DNHD1: variants seen among roughly 807,000 people sequenced by gnomAD.
The protein encoded by DNHD1 is dynein heavy chain domain-containing protein 1.
Under a neutral mutation model 458.1 loss-of-function variants are expected in DNHD1, and 383 were observed. The observed-to-expected ratio is 0.84, with a 90% CI of 0.77 to 0.91. The LOEUF is 0.91. Among genes scored for constraint, DNHD1 ranks in the 40% least tolerant of loss-of-function variants. The pLI is 0.00. For missense variants in DNHD1, 5,336 were observed against 5,866.1 expected (o/e 0.91, Z 2.95); for synonymous variants, 2,203 against 2,376.9 (o/e 0.93, Z 2.13).
At chr11:6,501,852 A>G (rs1244497384) in intron 3 of DNHD1, among the ~76,000 whole-genome samples, 2 of 152,210 alleles carry the variant, frequency 1.3e-5, no homozygotes, top group East Asian at 3.8e-4. Context: ...CAATTATACC[A>G]TTTAAGATGT....
chr11:6,508,053 C>G (rs922888380), intron 4 of DNHD1, among the ~76,000 whole-genome samples: 8 of 151,912 alleles, frequency 5.3e-5, no homozygotes, highest in African/African-American at 1.9e-4. Context: ...TTTTAAATTG[C>G]TAAAAATATA....
intron 10 of DNHD1, among the ~76,000 whole-genome samples, chr11:6,522,590 C>T (rs1161298021): frequency 6.6e-6 from 1 of 152,062 alleles, no homozygotes; most frequent in Admixed American, 6.6e-5. Context: ...TATAACAAAC[C>T]TGCACATGTA....
In DNHD1 at chr11:6,498,841, C is replaced by G; in HGVS notation, c.626C>G (p.Ala209Gly). 3.7e-6 allele frequency: 6 copies of G among 1,614,250 alleles called. No individual in the cohort carries two copies. The highest frequency in any genetic ancestry group is 5.1e-6 in the Non-Finnish European group (6 of 1,180,056). ...GGTGCTCAGGTGGCCCTAGAAGAGGCTGTGTGGCTGGATGGACTTAGTCTC... is the reference window on the plus strand; with the variant it reads ...GGTGCTCAGGTGGCCCTAGAAGAGGGTGTGTGGCTGGATGGACTTAGTCTC... ...IVGAQVALEEAVWLDGLSLLP... is the reference protein window; with the variant it reads ...IVGAQVALEEGVWLDGLSLLP... Residue 209 changes from alanine to glycine, a missense_variant, in exon 3 of 43, where the codon GCT (alanine) becomes GGT (glycine). By Grantham distance (60) the Ala-to-Gly change is moderately conservative. Coordinates refer to ENST00000254579, the MANE Select transcript of DNHD1 (RefSeq NM_144666.3).
At chr11:6,527,645 A>C (rs543117563) in intron 10 of DNHD1, among the ~76,000 whole-genome samples, 2 of 152,354 alleles carry the variant, frequency 1.3e-5, no homozygotes, top group Non-Finnish European at 2.9e-5. Context: ...TCTGGGCTAC[A>C]GATAAATCTG....
Position 6,533,829 on chromosome 11 carries a change from C to T in DNHD1, c.2654C>T (p.Ser885Leu). 3.2e-6 allele frequency: 5 copies of T among 1,551,246 alleles called. No individual in the cohort carries two copies. The highest frequency in any genetic ancestry group is 4.4e-6 in the Non-Finnish European group (5 of 1,146,876). Residue 885 changes from serine to leucine, a missense_variant, in exon 14 of 43, where the codon TCA (serine) becomes TTA (leucine). By Grantham distance (145) the Ser-to-Leu change is moderately radical (BLOSUM62 -2). This residue lies in a region of DNHD1 where 3,932 missense variants were observed against 4,365.6 expected (regional missense o/e 0.90). Coordinates refer to ENST00000254579, the MANE Select transcript of DNHD1 (RefSeq NM_144666.3). ...TCGGTGAGAAGGCAATTCGGGGAGT[C>T]ACCCATCCCTCCCTGCCCTCCTCCC... ...DISVRRQFGE[S>L]PIPPCPPPPQ... is the part of the protein sequence containing the mutation.
intron 18 of DNHD1, among the ~76,000 whole-genome samples, chr11:6,543,830 A>G (rs558697743): frequency 6.6e-6 from 1 of 152,074 alleles, no homozygotes; most frequent in Admixed American, 6.5e-5. Context: ...ACATGGTGGC[A>G]CACACCTGTA....
chr11:6,544,775 C>G lies in DNHD1; in HGVS notation c.3853-17C>G. The G allele has an allele frequency of 3.9e-6, 6 of 1,547,752 alleles. No homozygotes were observed. Among genetic ancestry groups the G allele is most frequent in the Non-Finnish European group, 5.2e-6 (6 of 1,143,752 alleles). On this transcript the variant is annotated splice_polypyrimidine_tract_variant and intron_variant, in intron 20 of 42. Transcript: ENST00000254579. ...ACTTCATATTGGCCCTCACTTTTAT[C>G]CTCTCCCTCACCACAGAACTCTCGT...
intron 21 of DNHD1, 87 bp downstream of exon 21, chr11:6,547,753 T>G: frequency 6.7e-7 from 1 of 1,485,896 alleles, no homozygotes; most frequent in African/African-American, 1.4e-5. Context: ...GTGTGTTCTT[T>G]GGTGGATCTG....
At chr11:6,499,042 G>A (rs1852088589) in intron 3 of DNHD1, 81 bp downstream of exon 3, 1 of 1,452,714 alleles carries the variant, frequency 6.9e-7, no homozygotes, top group Non-Finnish European at 9.2e-7. Flanking sequence ...TCACTTGGAA[G>A]TTTAGATCCA....
At position 6,570,944 on chromosome 11, in the gene DNHD1, C is replaced by A. The variant is rs770663156; in HGVS notation, c.13432C>A (p.Arg4478=). The A allele has an allele frequency of 6.2e-7, 1 of 1,608,382 alleles. No individual in the cohort carries two copies. The highest frequency in any genetic ancestry group is 1.1e-5 in the South Asian group (1 of 90,970). Residue 4478 remains arginine, a synonymous_variant, in exon 42 of 43, where the codon CGG becomes AGG. Transcript: ENST00000254579. ...GTGGTCAGTGCTGGGGCCAAATGCACGGCGGCCTCTGGAGGGCGTCTTAGA... is the reference window on the plus strand; with the variant it reads ...GTGGTCAGTGCTGGGGCCAAATGCAAGGCGGCCTCTGGAGGGCGTCTTAGA... ...APWSVLGPNA[R]RPLEGVLETE...
intron 7 of DNHD1, among the ~76,000 whole-genome samples, chr11:6,518,577 G>T (rs1461370893): frequency 6.6e-6 from 1 of 152,118 alleles, no homozygotes; most frequent in African/African-American, 2.4e-5. Flanking sequence ...ACTGTGTCAA[G>T]CAATAGAAAA....
Position 6,498,375 on chromosome 11 carries a change from C to T in DNHD1, c.160C>T (p.Gln54Ter), listed in dbSNP as rs1467483345. 4 of 1,614,240 alleles carry T rather than the reference C, an allele frequency of 2.5e-6. No individual in the cohort carries two copies. Among genetic ancestry groups the T allele is most frequent in the African/African-American group, 2.7e-5 (2 of 75,062 alleles). ...QFVKPVTESE[Q>*]PTVLELLLAE... Reference sequence around the variant, plus strand: ...CGTGAAGCCAGTGACTGAGTCAGAGCAGCCCACAGTGCTGGAACTCCTGCT... The same window carrying T: ...CGTGAAGCCAGTGACTGAGTCAGAGTAGCCCACAGTGCTGGAACTCCTGCT... The change falls in exon 3 of 43, where the codon CAG (glutamine) becomes TAG (stop). Residue 54 changes from glutamine (Q) to a stop codon, truncating the protein, a stop_gained. Coordinates refer to ENST00000254579, the MANE Select transcript of DNHD1 (RefSeq NM_144666.3). LOFTEE classifies it high-confidence loss of function.
chr11:6,547,506 ATTG>A lies in DNHD1; in HGVS notation c.6568_6570del (p.Leu2190del). 6.4e-7 allele frequency: 1 copy of A among 1,550,920 alleles called. No individual in the cohort carries two copies. Among genetic ancestry groups the A allele is most frequent in the Non-Finnish European group, 8.7e-7 (1 of 1,146,328 alleles). ...TGGCTGAGGTTCTGGTGCCTGCAACATTGCGATTCCTCACCTGCCAAGGTGTCA... is the reference window on the plus strand; with the variant it reads ...TGGCTGAGGTTCTGGTGCCTGCAACACGATTCCTCACCTGCCAAGGTGTCA... On this transcript the variant is annotated inframe_deletion, in exon 21 of 43. Coordinates refer to ENST00000254579, the MANE Select transcript of DNHD1 (RefSeq NM_144666.3).
chr11:6,555,105 C>A (rs553896835), intron 24 of DNHD1, among the ~76,000 whole-genome samples: 1 of 152,314 alleles, frequency 6.6e-6, no homozygotes, highest in South Asian at 2.1e-4. Flanking sequence ...ACAGGCCATT[C>A]AGGCATTTGC....
chr11:6,501,145 G>A (rs1205245899), intron 3 of DNHD1, among the ~76,000 whole-genome samples: 1 of 152,196 alleles, frequency 6.6e-6, no homozygotes, highest in Admixed American at 6.5e-5. Flanking sequence ...AAGAGGTTAA[G>A]TTTTGTGGGG....
At chr11:6,528,425 G>GTA in intron 10 of DNHD1, 97 bp from the exon 11 acceptor site, 1 of 1,290,138 alleles carries the variant, frequency 7.8e-7, no homozygotes, top group Non-Finnish European at 1.1e-6. Context: ...GTGTGTGTGT[G>GTA]TGTGTGTGTG....
chr11:6,502,801 C>T lies in DNHD1; in HGVS notation c.795C>T (p.Ser265=), dbSNP rs1378066078. 2 of 1,611,818 alleles carry T rather than the reference C, an allele frequency of 1.2e-6. No homozygotes were observed. The highest frequency in any genetic ancestry group is 2.2e-5 in the East Asian group (1 of 44,750). Residue 265 remains serine (S), a synonymous_variant, in exon 4 of 43, where the codon AGC becomes AGT. Coordinates refer to ENST00000254579, the MANE Select transcript of DNHD1 (RefSeq NM_144666.3). ...CCAGGGAAAAGGCCTTCCAAAAGAGCAGCACCGGCTTTTCACCTGAGACTT... is the reference window on the plus strand; with the variant it reads ...CCAGGGAAAAGGCCTTCCAAAAGAGTAGCACCGGCTTTTCACCTGAGACTT... ...EVPREKAFQK[S]STGFSPETSF...
At position 6,546,043 on chromosome 11, in the gene DNHD1, C is replaced by T. The variant is rs1853208816; in HGVS notation, c.5104C>T (p.Gln1702Ter). The change falls in exon 21 of 43, where the codon CAG becomes TAG. Residue 1702 changes from glutamine to a stop codon, truncating the protein, a stop_gained. Transcript: ENST00000254579. LOFTEE classifies it high-confidence loss of function. ...GAGAGCTATAGTGAACAGCCTGGCA[C>T]AGGCCCTGGGCCGCCAGCTGGTGAT... Reference protein sequence around the residue: ...GKRAIVNSLAQALGRQLVMLP... With the variant: ...GKRAIVNSLA 1.3e-6 allele frequency: 2 copies of T among 1,551,322 alleles called. No homozygotes were observed. Among genetic ancestry groups the T allele is most frequent in the Admixed American group, 2.0e-5 (1 of 50,970 alleles).
chr11:6,558,001 T>A lies in DNHD1; in HGVS notation c.8706T>A (p.Thr2902=), dbSNP rs1328488572. Residue 2902 remains threonine (T), a synonymous_variant, in exon 25 of 43, where the codon ACT becomes ACA. Transcript: ENST00000254579. ...ALGTGRHTAI[T]LASSICQAHF... ...GTACTGGGCGCCACACTGCCATCAC[T>A]CTGGCTTCTAGCATTTGTCAGGCCC... is the stretch of plus-strand genomic sequence containing the variant. The A allele has an allele frequency of 1.3e-6, 2 of 1,551,692 alleles. No homozygotes were observed.
Sources: allele counts gnomAD v4.1 joint callset (sites outside exome capture counted in the v4.1 genomes callset), GRCh38; gene constraint gnomAD v4.1.1; regional missense constraint gnomAD v4.1.1; transcripts MANE v1.5; gene names NCBI Gene and HGNC (gene_info 2026-07-23, HGNC 2026-07-21).